TOX: variants seen among roughly 807,000 people sequenced by gnomAD.
The protein encoded by TOX is thymocyte selection-associated high mobility group box protein TOX.
A neutral mutation model predicts 53.7 loss-of-function variants in TOX; 11 were observed. That is an observed-to-expected ratio of 0.20 (90% CI 0.13 to 0.34). The LOEUF (loss-of-function observed/expected upper bound fraction) is 0.34, where lower values mean the gene tolerates loss of function less well. Among genes scored for constraint, TOX ranks in the 10% least tolerant of loss-of-function variants. The probability of loss-of-function intolerance (pLI) is 1.00; values close to 1 mark genes in which losing one functional copy is unlikely to be tolerated. For synonymous variants in TOX, 225 were observed against 245.3 expected (o/e 0.92, Z 0.77); for missense variants, 570 against 664.6 (o/e 0.86, Z 1.56).
chr8:58,872,771 G>T (rs1811219551), intron 3 of TOX, among the ~76,000 whole-genome samples: 1 of 152,124 alleles, frequency 6.6e-6, no homozygotes, highest in Admixed American at 6.6e-5. Context: ...ACTAAGACAT[G>T]AGGACTAAAC....
chr8:58,856,783 G>A (rs951022113), intron 3 of TOX, among the ~76,000 whole-genome samples: 3 of 151,310 alleles, frequency 2.0e-5, no homozygotes, highest in African/African-American at 7.3e-5. Context: ...TGGCAAAAAC[G>A]TGGAGGTGAT....
chr8:59,060,483 C>T (rs890169222), intron 1 of TOX, among the ~76,000 whole-genome samples: 4 of 152,118 alleles, frequency 2.6e-5, no homozygotes, highest in Admixed American at 2.0e-4. Context: ...AAACATTAGC[C>T]GGGCGTGCTG....
chr8:58,871,735 T>G (rs953451580), intron 3 of TOX, among the ~76,000 whole-genome samples: 18 of 152,138 alleles, frequency 1.2e-4, no homozygotes, highest in Admixed American at 1.1e-3. Flanking sequence ...CTCACTATTG[T>G]GGTGGGTTAC....
At chr8:59,065,804 T>A (rs1002584911) in intron 1 of TOX, among the ~76,000 whole-genome samples, 1 of 152,136 alleles carries the variant, frequency 6.6e-6, no homozygotes. Context: ...ACTCTTGGTT[T>A]CTCCCTTCTG....
chr8:59,036,145 G>A (rs1156545079), intron 1 of TOX, among the ~76,000 whole-genome samples: 1 of 152,212 alleles, frequency 6.6e-6, no homozygotes, highest in Non-Finnish European at 1.5e-5. Context: ...TAGGTAGTGG[G>A]TAGGGGATAT....
At chr8:58,898,834 C>T (rs1811690524) in intron 3 of TOX, among the ~76,000 whole-genome samples, 1 of 152,224 alleles carries the variant, frequency 6.6e-6, no homozygotes, top group African/African-American at 2.4e-5. Flanking sequence ...ATCTCCAAGG[C>T]TCCACGTTGC....
chr8:58,972,037 A>G (rs1813011573), intron 1 of TOX, among the ~76,000 whole-genome samples: 1 of 152,236 alleles, frequency 6.6e-6, no homozygotes, highest in South Asian at 2.1e-4. Context: ...TACCTGAAAT[A>G]TGAAATAATG....
At position 59,043,394 on chromosome 8, in the gene TOX, TTTA is replaced by T. The variant is rs764988671; in HGVS notation, c.102+75489_102+75491del. ...TATTATTTATTTTTAAGTATTTTTATTTATTATTATATAATTAATATGTTTGAA... is the reference window on the plus strand; with the variant it reads ...TATTATTTATTTTTAAGTATTTTTATTTATTATATAATTAATATGTTTGAA... On this transcript the variant is annotated intron_variant, in intron 1 of 8. Coordinates refer to ENST00000361421, the MANE Select transcript of TOX (RefSeq NM_014729.3). Among the ~76,000 whole-genome samples the T allele has an allele frequency of 5.7e-4, 87 of 151,334 alleles. 1 individual carries two copies. The highest frequency in any genetic ancestry group is 1.0e-3 in the Non-Finnish European group (70 of 67,766).
chr8:58,927,425 G>A (rs1812182395), intron 3 of TOX, among the ~76,000 whole-genome samples: 2 of 152,032 alleles, frequency 1.3e-5, no homozygotes. Flanking sequence ...GAAATGTAGA[G>A]GAGATCTGCA....
intron 1 of TOX, among the ~76,000 whole-genome samples, chr8:59,036,579 T>C (rs1814462646): frequency 6.6e-6 from 1 of 152,220 alleles, no homozygotes; most frequent in South Asian, 2.1e-4. Flanking sequence ...ACAGTTAATC[T>C]ATGTGTAATG....
Position 58,851,517 on chromosome 8 carries a change from T to G in TOX, c.693+7A>C. 1.2e-6 allele frequency: 2 copies of G among 1,611,968 alleles called. No homozygotes were observed. The highest frequency in any genetic ancestry group is 2.2e-5 in the East Asian group (1 of 44,838). ...TCCCATAGGTCCTAAAAATAACTTATTCATACCTTAGAGGTATCATCGCCT... is the reference window on the plus strand; with the variant it reads ...TCCCATAGGTCCTAAAAATAACTTAGTCATACCTTAGAGGTATCATCGCCT... On this transcript the variant is annotated splice_region_variant and intron_variant, in intron 4 of 8. Coordinates refer to ENST00000361421, the MANE Select transcript of TOX (RefSeq NM_014729.3). The surrounding 1 kb of genome is among the most constrained non-coding windows in gnomAD (Gnocchi z 4.4).
At position 59,079,639 on chromosome 8, in the gene TOX, T is replaced by C. The variant is rs536100806; in HGVS notation, c.102+39247A>G. On this transcript the variant is annotated intron_variant, in intron 1 of 8. Transcript: ENST00000361421. ...CTCCACCTAGATTTCCGAGGATGAA[T>C]GGAAAAGCCAGGATGCTCAGGCAGG... Among the ~76,000 whole-genome samples the C allele has an allele frequency of 3.3e-5, 5 of 152,282 alleles. No individual in the cohort carries two copies. In the South Asian group the frequency reaches 8.3e-4, roughly 25 times the overall value.
intron 1 of TOX, among the ~76,000 whole-genome samples, chr8:58,989,254 G>T (rs7005201): frequency 0.62 from 94,104 of 151,604 alleles, 30,151 homozygotes; most frequent in South Asian, 0.74. Flanking sequence ...AGGTGGAGGT[G>T]GCAGGGAGCC....
At chr8:58,818,701 G>A (rs1319062751) in intron 6 of TOX, among the ~76,000 whole-genome samples, 1 of 152,178 alleles carries the variant, frequency 6.6e-6, no homozygotes, top group African/African-American at 2.4e-5. Flanking sequence ...TCTTCCCATG[G>A]AGTGAGGAAG....
At chr8:59,100,739 C>A (rs1804792359) in intron 1 of TOX, among the ~76,000 whole-genome samples, 1 of 151,938 alleles carries the variant, frequency 6.6e-6, no homozygotes, top group African/African-American at 2.4e-5. Context: ...TTTGACTATT[C>A]TAAAAATATC....
intron 3 of TOX, among the ~76,000 whole-genome samples, chr8:58,898,481 C>A (rs2129172543): frequency 6.6e-6 from 1 of 152,268 alleles, no homozygotes; most frequent in East Asian, 1.9e-4. Flanking sequence ...TTTAGGGAAG[C>A]AACTCATACT....
intron 5 of TOX, among the ~76,000 whole-genome samples, chr8:58,829,390 T>C (rs143343542): frequency 7.9e-5 from 12 of 152,292 alleles, no homozygotes; most frequent in Non-Finnish European, 1.5e-4. Flanking sequence ...TATTGGCTAT[T>C]GATGATTGGC....
intron 3 of TOX, among the ~76,000 whole-genome samples, chr8:58,934,569 C>T (rs1012300802): frequency 1.8e-4 from 27 of 152,092 alleles, no homozygotes; most frequent in South Asian, 8.3e-4. Flanking sequence ...TTTGAACTGA[C>T]GCACTCTGGC....
intron 5 of TOX, among the ~76,000 whole-genome samples, chr8:58,829,703 A>G (rs116773322): frequency 0.015 from 2,318 of 152,264 alleles, 67 homozygotes; most frequent in African/African-American, 0.053. Context: ...TTACCTTCTA[A>G]AATTGGACAA....
Sources: gnomAD v4.1 joint callset for allele counts (sites outside exome capture counted in the v4.1 genomes callset) on GRCh38, gnomAD v4.1.1 for gene constraint, Gnocchi (gnomAD v3.1) non-coding constraint, MANE v1.5 for transcripts, NCBI Gene and HGNC (gene_info 2026-07-23, HGNC 2026-07-21) for gene names.